CPQ: variants seen among roughly 807,000 people sequenced by gnomAD.
CPQ encodes Ser-Met dipeptidase.
In CPQ, 37 loss-of-function variants were observed where a neutral mutation model predicts 45.7. That is an observed-to-expected ratio of 0.81 (90% CI 0.62 to 1.07). CPQ has a LOEUF of 1.07. CPQ is among the 50% of genes least tolerant of loss of function. CPQ has a pLI of 0.00. For missense variants in CPQ, 537 were observed against 572.9 expected, an observed-to-expected ratio of 0.94 and a Z score of 0.64; for synonymous variants, 186 against 205.8, an observed-to-expected ratio of 0.90 and a Z score of 0.82.
intron 7 of CPQ, among the ~76,000 whole-genome samples, chr8:97,123,624 G>C (rs1392143066): frequency 2.6e-5 from 4 of 151,350 alleles, no homozygotes; most frequent in African/African-American, 9.7e-5. Context: ...AAAGAATAAG[G>C]TACAAAAAAA....
intron 2 of CPQ, among the ~76,000 whole-genome samples, chr8:96,814,891 T>C (rs1811206065): frequency 6.6e-6 from 1 of 152,118 alleles, no homozygotes; most frequent in South Asian, 2.1e-4. Context: ...AAATGAAAAA[T>C]GCCAATCACA....
chr8:96,772,232 G>GA (rs931794362), intron 1 of CPQ, among the ~76,000 whole-genome samples: 11 of 152,066 alleles, frequency 7.2e-5, no homozygotes, highest in African/African-American at 2.7e-4. Context: ...TGGAGAGGAA[G>GA]ACCTAGGGGA....
At chr8:97,050,987 T>C (rs1810350695) in intron 6 of CPQ, among the ~76,000 whole-genome samples, 1 of 152,142 alleles carries the variant, frequency 6.6e-6, no homozygotes, top group Admixed American at 6.5e-5. Flanking sequence ...CCCTTTCTTT[T>C]TGATGAGGAT....
intron 7 of CPQ, among the ~76,000 whole-genome samples, chr8:97,138,690 T>C (rs1812103997): frequency 6.6e-6 from 1 of 152,194 alleles, no homozygotes; most frequent in Non-Finnish European, 1.5e-5. Flanking sequence ...GGCCTGGCAT[T>C]TGTCTGCTAA....
At chr8:96,926,570 CTCTTCCTCTTCTTCTTCT>C (rs1812880757) in intron 4 of CPQ, among the ~76,000 whole-genome samples, 5 of 46,652 alleles carry the variant, frequency 1.1e-4, no homozygotes, top group Admixed American at 3.4e-4. Flanking sequence ...CTTCCTCTTC[CTCTTCCTCTTCTTCTTCT>C]TCTTCTTCTT....
At chr8:96,925,672 C>T (rs889956562) in intron 4 of CPQ, among the ~76,000 whole-genome samples, 5 of 150,178 alleles carry the variant, frequency 3.3e-5, no homozygotes, top group East Asian at 3.9e-4. Flanking sequence ...CATGAGCCAC[C>T]GTGCCTGGCA....
chr8:96,946,339 A>G (rs1813187812), intron 4 of CPQ, among the ~76,000 whole-genome samples: 1 of 152,128 alleles, frequency 6.6e-6, no homozygotes, highest in African/African-American at 2.4e-5. Flanking sequence ...AGTTTGCTAT[A>G]TTGAATATTT....
At chr8:96,785,396 A>G (rs1810755205) in intron 2 of CPQ, 66 bp downstream of exon 2, 2 of 1,233,416 alleles carry the variant, frequency 1.6e-6, no homozygotes, top group Admixed American at 4.8e-5. Flanking sequence ...GTAATTGAGT[A>G]CAATATGCAT....
chr8:96,755,766 ATAACT>A (rs1332985101), intron 1 of CPQ, among the ~76,000 whole-genome samples: 7 of 151,950 alleles, frequency 4.6e-5, no homozygotes, highest in African/African-American at 1.7e-4. Flanking sequence ...TATCCTTATA[ATAACT>A]TAAAAATTTG....
chr8:97,031,118 TAAG>T (rs1183285081), intron 6 of CPQ, among the ~76,000 whole-genome samples: 2 of 151,684 alleles, frequency 1.3e-5, no homozygotes, highest in East Asian at 1.9e-4. Context: ...AACTTATTTT[TAAG>T]AAGAAGCTCT....
intron 4 of CPQ, among the ~76,000 whole-genome samples, chr8:96,918,261 T>G (rs1812758291): frequency 6.6e-6 from 1 of 152,168 alleles, no homozygotes; most frequent in Admixed American, 6.5e-5. Context: ...CAGCTTGAGA[T>G]ATCAATTTTA....
chr8:96,865,435 T>C (rs150606309), intron 3 of CPQ, among the ~76,000 whole-genome samples: 1 of 152,084 alleles, frequency 6.6e-6, no homozygotes, highest in Non-Finnish European at 1.5e-5. Context: ...GAGCAGCACA[T>C]AGACGTGTAC....
chr8:97,140,768 G>C (rs1305221399), intron 7 of CPQ, among the ~76,000 whole-genome samples: 1 of 151,970 alleles, frequency 6.6e-6, no homozygotes, highest in Non-Finnish European at 1.5e-5. Context: ...GAAGAAGAAG[G>C]AAGAGAAAGT....
chr8:96,825,910 A>G (rs1811373865), intron 2 of CPQ, among the ~76,000 whole-genome samples: 1 of 152,100 alleles, frequency 6.6e-6, no homozygotes, highest in Admixed American at 6.6e-5. Context: ...TGTACTTGCT[A>G]CAAACATAAG....
rs201881952 is a variant in CPQ, at chr8:97,143,203, T to G, written c.*20T>G. On this transcript the variant is annotated 3_prime_UTR_variant, in exon 8 of 8. Transcript: ENST00000220763. ...TCCTAGAAACAGTAAGAAAGAAACG[T>G]TTTCATGCTTCTGGCCAGGAATCCT... is the stretch of plus-strand genomic sequence containing the variant. 2 of 1,610,786 alleles carry G rather than the reference T, an allele frequency of 1.2e-6. No individual in the cohort carries two copies. Among genetic ancestry groups the G allele is most frequent in the African/African-American group, 2.7e-5 (2 of 74,136 alleles).
intron 1 of CPQ, among the ~76,000 whole-genome samples, chr8:96,766,287 G>A (rs1041531898): frequency 5.3e-5 from 8 of 152,008 alleles, no homozygotes; most frequent in African/African-American, 2.4e-5. Flanking sequence ...TGTGACTTCC[G>A]GAGCACACTA....
intron 4 of CPQ, among the ~76,000 whole-genome samples, chr8:96,923,422 T>C (rs945758031): frequency 6.6e-6 from 1 of 152,138 alleles, no homozygotes; most frequent in African/African-American, 2.4e-5. Flanking sequence ...ACCTGTCCAT[T>C]GGGAATAATT....
At chr8:97,123,208 AAAT>A (rs200915626) in intron 7 of CPQ, among the ~76,000 whole-genome samples, 9,010 of 110,722 alleles carry the variant, frequency 0.081, 1,250 homozygotes, top group East Asian at 0.45. Context: ...ATAAAATAAA[AAAT>A]AAAATAAAAT....
At chr8:96,757,163 C>T (rs979584672) in intron 1 of CPQ, among the ~76,000 whole-genome samples, 2 of 151,952 alleles carry the variant, frequency 1.3e-5, no homozygotes, top group Non-Finnish European at 2.9e-5. Flanking sequence ...GACTGGCCAC[C>T]ATGGTGAAAC....
Sources: gnomAD v4.1 joint callset for allele counts (sites outside exome capture counted in the v4.1 genomes callset) on GRCh38, gnomAD v4.1.1 for gene constraint, MANE v1.5 for transcripts, NCBI Gene and HGNC (gene_info 2026-07-23, HGNC 2026-07-21) for gene names.